Variants in FMN2 observed in about 807,000 individuals in gnomAD.
FMN2 encodes the protein formin 2.
FMN2 carries 51 observed loss-of-function variants against 142.3 expected under a neutral mutation model. That is an observed-to-expected ratio of 0.36 (90% CI 0.29 to 0.45). The LOEUF (loss-of-function observed/expected upper bound fraction) is 0.45, where lower values mean the gene tolerates loss of function less well. FMN2 is among the 20% of genes least tolerant of loss of function. The pLI, the probability that FMN2 is intolerant of heterozygous loss-of-function variation, is 1.00. For missense variants in FMN2, 1,936 were observed against 2,122.8 expected (o/e 0.91, Z 1.73); for synonymous variants, 882 against 869.8 (o/e 1.01, Z -0.25).
At chr1:240,312,725 A>T (rs1670637837) in intron 8 of FMN2, among the ~76,000 whole-genome samples, 1 of 152,186 alleles carries the variant, frequency 6.6e-6, no homozygotes, top group Non-Finnish European at 1.5e-5. Flanking sequence ...AGTACATTTG[A>T]TTATCAGTGT....
At chr1:240,419,567 C>T (rs1195795294) in intron 15 of FMN2, among the ~76,000 whole-genome samples, 1 of 152,138 alleles carries the variant, frequency 6.6e-6, no homozygotes, top group East Asian at 1.9e-4. Flanking sequence ...TGGAAGTGGC[C>T]ATGTGGAAGC....
chr1:240,299,237 C>A (rs905142618), intron 8 of FMN2, among the ~76,000 whole-genome samples: 4 of 152,136 alleles, frequency 2.6e-5, no homozygotes, highest in African/African-American at 4.8e-5. Flanking sequence ...CGTGAGCCAC[C>A]ACACATGGCC....
chr1:240,199,523 AT>A (rs1434091127), intron 4 of FMN2, among the ~76,000 whole-genome samples: 1 of 152,160 alleles, frequency 6.6e-6, no homozygotes, highest in Non-Finnish European at 1.5e-5. Context: ...GTTTGGAAAA[AT>A]ATTTTTGGTG....
rs1367743308 is a variant in FMN2, at chr1:240,188,246, C to T, written c.1970C>T (p.Ser657Leu). 1.2e-6 allele frequency: 2 copies of T among 1,613,770 alleles called. No individual in the cohort carries two copies. Among genetic ancestry groups the T allele is most frequent in the African/African-American group, 2.7e-5 (2 of 74,888 alleles). ...SAVSETPQKRSDAVQKEVVDM... is the reference protein window; with the variant it reads ...SAVSETPQKRLDAVQKEVVDM... ...GTTTCAGAAACTCCCCAAAAACGCT[C>T]AGATGCTGTCCAGAAGGTAAGATGA... The change falls in exon 4 of 18, where the codon TCA becomes TTA. Residue 657 changes from serine (S) to leucine (L), a missense_variant. Ser to Leu is a moderately radical substitution (Grantham distance 145). Coordinates refer to ENST00000319653, the MANE Select transcript of FMN2 (RefSeq NM_020066.5).
rs145474534 is a variant in FMN2 at position 240,211,137 on chromosome 1, A to G, written c.3967A>G (p.Ile1323Val). The change falls in exon 6 of 18, where the codon ATA becomes GTA. Residue 1323 changes from isoleucine (I) to valine (V), a missense_variant. Physicochemically the swap from Ile to Val is conservative, Grantham distance 29 (BLOSUM62 3). This residue lies in a region of FMN2 where 259 missense variants were observed against 230.9 expected (regional missense o/e 1.12). Transcript: ENST00000319653. ...LIWEKIEEPS[I>V]DCHEFEELFS... ...TTGGGAAAAAATTGAAGAGCCATCCATAGATTGTCATGAATTTGAGGAATT... is the reference window on the plus strand; with the variant it reads ...TTGGGAAAAAATTGAAGAGCCATCCGTAGATTGTCATGAATTTGAGGAATT... 1 of 1,613,692 alleles carries G rather than the reference A, an allele frequency of 6.2e-7. No individual in the cohort carries two copies. Among genetic ancestry groups the G allele is most frequent in the Admixed American group, 1.7e-5 (1 of 60,010 alleles).
At chr1:240,198,011 T>C (rs1477040161) in intron 4 of FMN2, among the ~76,000 whole-genome samples, 2 of 152,078 alleles carry the variant, frequency 1.3e-5, no homozygotes, top group African/African-American at 2.4e-5. Context: ...AAAAAAGATA[T>C]TTGAGAACAG....
chr1:240,398,251 G>A (rs146568712), intron 15 of FMN2, among the ~76,000 whole-genome samples: 6 of 152,056 alleles, frequency 3.9e-5, no homozygotes, highest in South Asian at 2.1e-4. Context: ...TGGTCTGCCC[G>A]CCTTGGCCTC....
chr1:240,148,301 GAGAGAGAGAGAC>G lies in FMN2; in HGVS notation c.1782+24960_1782+24971del, dbSNP rs1244748175. 2.9e-3 allele frequency among the ~76,000 whole-genome samples: 407 copies of G among 142,664 alleles called. 2 individuals are homozygous for G. Among genetic ancestry groups the G allele is most frequent in the East Asian group, 7.3e-3 (36 of 4,950 alleles). The allele number at this position is 142,664 out of a possible 152,430, so 93.6% of individuals were successfully genotyped here. On this transcript the variant is annotated intron_variant, in intron 2 of 17. Transcript: ENST00000319653. The stretch of plus-strand genomic sequence containing the variant: ...ACAGAGACAGAGACAGACAGAGACA[GAGAGAGAGAGAC>G]AGACAGAAACAGAGAGACAGACAGA...
intron 7 of FMN2, among the ~76,000 whole-genome samples, chr1:240,270,633 A>G (rs952860524): frequency 6.6e-6 from 1 of 151,920 alleles, no homozygotes; most frequent in African/African-American, 2.4e-5. Context: ...AATATATAAT[A>G]TATATATACA....
chr1:240,096,788 A>G (rs1407786541), intron 1 of FMN2, among the ~76,000 whole-genome samples: 3 of 152,232 alleles, frequency 2.0e-5, no homozygotes, highest in Non-Finnish European at 4.4e-5. Flanking sequence ...AGAAAATACA[A>G]GTGAAAAGGG....
rs1043119315 is a variant in FMN2, at chr1:240,387,419, A to C, written c.4859-5092A>C. On this transcript the variant is annotated intron_variant, in intron 14 of 17. Coordinates refer to ENST00000319653, the MANE Select transcript of FMN2 (RefSeq NM_020066.5). ...TTCATCAGGTTCTCACTAAATTCAC[A>C]TGAAGTATTATCTTATCCCTTGTAG... Among the ~76,000 whole-genome samples the C allele has an allele frequency of 1.4e-4, 21 of 152,212 alleles. 1 individual carries two copies. Among genetic ancestry groups the C allele is most frequent in the African/African-American group, 5.1e-4 (21 of 41,472 alleles).
intron 15 of FMN2, among the ~76,000 whole-genome samples, chr1:240,409,677 G>A (rs1037591879): frequency 6.6e-6 from 1 of 152,070 alleles, no homozygotes; most frequent in Non-Finnish European, 1.5e-5. Flanking sequence ...TAATATTTGT[G>A]TAGACTCCAT....
rs1666369655 is a variant in FMN2 at position 240,206,829 on chromosome 1, G to C, written c.2017G>C (p.Ala673Pro). ...EVVDMKSEGQ[A>P]TVIQQLEQTI... ...TGTTGACATGAAGTCTGAGGGACAG[G>C]CCACTGTAATTCAGCAGCTGGAACA... The change falls in exon 5 of 18, where the codon GCC becomes CCC. Residue 673 changes from alanine (A) to proline (P), a missense_variant. By Grantham distance (27) the Ala-to-Pro change is conservative. Coordinates refer to ENST00000319653, the MANE Select transcript of FMN2 (RefSeq NM_020066.5). 6.2e-7 allele frequency: 1 copy of C among 1,613,510 alleles called. No homozygotes were observed. The highest frequency in any genetic ancestry group is 1.3e-5 in the African/African-American group (1 of 74,924).
At chr1:240,388,274 AAAAG>A (rs1333963000) in intron 14 of FMN2, among the ~76,000 whole-genome samples, 4 of 151,506 alleles carry the variant, frequency 2.6e-5, no homozygotes, top group African/African-American at 9.7e-5. Flanking sequence ...AACTCAATGA[AAAAG>A]AAATTATTAC....
At chr1:240,181,094 T>G (rs1665131093) in intron 3 of FMN2, among the ~76,000 whole-genome samples, 1 of 152,120 alleles carries the variant, frequency 6.6e-6, no homozygotes, top group Admixed American at 6.5e-5. Context: ...AACCACCGTC[T>G]CCCGGGTTCA....
chr1:240,095,992 A>G (rs948840754), intron 1 of FMN2, among the ~76,000 whole-genome samples: 8 of 152,220 alleles, frequency 5.3e-5, no homozygotes, highest in Middle Eastern at 3.4e-3. Context: ...ATTTTTGTGT[A>G]GCAGCTTCCG....
chr1:240,128,757 A>G (rs1300667869), intron 2 of FMN2, among the ~76,000 whole-genome samples: 1 of 152,228 alleles, frequency 6.6e-6, no homozygotes, highest in Non-Finnish European at 1.5e-5. Flanking sequence ...GAAGCTGTTA[A>G]TCAAAACCAA....
At chr1:240,329,022 T>C in intron 8 of FMN2, 54 bp from the exon 9 acceptor site, 1 of 1,449,726 alleles carries the variant, frequency 6.9e-7, no homozygotes, top group Non-Finnish European at 9.6e-7. Context: ...GATTATTATC[T>C]AAGGGATTCA....
intron 16 of FMN2, chr1:240,459,084 A>C (rs887218590): frequency 1.3e-5 from 2 of 152,182 alleles, no homozygotes; most frequent in African/African-American, 4.8e-5. Context: ...TAAAATCCTA[A>C]CATTTATGTG....
Sources: allele counts gnomAD v4.1 joint callset (sites outside exome capture counted in the v4.1 genomes callset), GRCh38; gene constraint gnomAD v4.1.1; regional missense constraint gnomAD v4.1.1; transcripts MANE v1.5; gene names NCBI Gene and HGNC (gene_info 2026-07-23, HGNC 2026-07-21).